The following FSD1L variants were observed in gnomAD, a reference collection of about 807,000 sequenced individuals.
FSD1L encodes the protein fibronectin type III and SPRY domain containing 1 like.
Under a neutral mutation model 71.6 loss-of-function variants are expected in FSD1L, and 45 were observed. The ratio of observed to expected loss-of-function variants is 0.63; its 90% CI spans 0.49 to 0.81. The LOEUF is 0.81. FSD1L is among the 30% of genes least tolerant of loss of function. The probability of loss-of-function intolerance (pLI) is 0.00; values close to 1 mark genes in which losing one functional copy is unlikely to be tolerated. For synonymous variants in FSD1L, 197 were observed against 207.2 expected, an observed-to-expected ratio of 0.95 and a Z score of 0.42; for missense variants, 561 against 618.1, an observed-to-expected ratio of 0.91 and a Z score of 0.98.
intron 7 of FSD1L, among the ~76,000 whole-genome samples, chr9:105,501,421 G>A (rs1385144202): frequency 2.6e-5 from 4 of 151,532 alleles, no homozygotes; most frequent in African/African-American, 4.9e-5. Flanking sequence ...AGTTCCCATC[G>A]TTTACAGTTT....
chr9:105,518,019 T>A (rs957859679), intron 10 of FSD1L, among the ~76,000 whole-genome samples: 4 of 152,160 alleles, frequency 2.6e-5, no homozygotes, highest in African/African-American at 9.7e-5. Context: ...CCCTAATCTT[T>A]GATAAAACAG....
At position 105,466,692 on chromosome 9, in the gene FSD1L, C is replaced by CA. The variant is rs11300881; in HGVS notation, c.208-1486dup. 4.6e-3 allele frequency among the ~76,000 whole-genome samples: 664 copies of CA among 143,538 alleles called. 7 individuals carry two copies. Among genetic ancestry groups the CA allele is most frequent in the African/African-American group, 0.015 (590 of 39,666 alleles). The allele number at this position is 143,538 out of a possible 152,430, so 94.2% of individuals were successfully genotyped here. ...TGGGTGATAGAGTGAGACTCTGTCT[C>CA]AAAAAAAAAAAAAAATAATTATTTT... On this transcript the variant is annotated intron_variant, in intron 3 of 13. Transcript: ENST00000481272.
At chr9:105,512,002 G>A (rs940566278) in intron 9 of FSD1L, among the ~76,000 whole-genome samples, 6 of 152,034 alleles carry the variant, frequency 3.9e-5, no homozygotes, top group East Asian at 1.9e-4. Flanking sequence ...TAGAGATTCC[G>A]AGAGTTATAT....
At chr9:105,546,236 T>TG in intron 13 of FSD1L, 122 bp from the exon 14 acceptor site, 3 of 829,014 alleles carry the variant, frequency 3.6e-6, no homozygotes, top group Non-Finnish European at 5.3e-6. Context: ...ATATGACAGT[T>TG]AATGTGTTTG....
intron 6 of FSD1L, among the ~76,000 whole-genome samples, chr9:105,482,963 C>T (rs892708321): frequency 1.3e-5 from 2 of 152,106 alleles, no homozygotes; most frequent in African/African-American, 2.4e-5. Context: ...TTAGTAAGTA[C>T]GTATCTGACT....
intron 10 of FSD1L, among the ~76,000 whole-genome samples, chr9:105,515,992 C>T (rs551234390): frequency 4.4e-4 from 67 of 152,214 alleles, no homozygotes; most frequent in African/African-American, 1.1e-3. Flanking sequence ...TGACCTGGGA[C>T]GCTATAGCTT....
chr9:105,521,983 A>C, intron 10 of FSD1L: 1 of 1,613,190 alleles, frequency 6.2e-7, no homozygotes, highest in Non-Finnish European at 8.5e-7. Context: ...ATGGACAAAA[A>C]GACTTGGGAA....
intron 1 of FSD1L, among the ~76,000 whole-genome samples, chr9:105,454,300 T>C (rs1830230626): frequency 6.6e-6 from 1 of 152,190 alleles, no homozygotes; most frequent in African/African-American, 2.4e-5. Flanking sequence ...TACAATACTT[T>C]TAATGATTCA....
At chr9:105,484,191 A>G (rs953361602) in intron 6 of FSD1L, among the ~76,000 whole-genome samples, 190 bp from the exon 7 acceptor site, 4 of 152,128 alleles carry the variant, frequency 2.6e-5, no homozygotes, top group African/African-American at 9.7e-5. Flanking sequence ...AAATGTCTTT[A>G]AAAAGACATT....
At chr9:105,530,076 C>T (rs532835897) in intron 10 of FSD1L, among the ~76,000 whole-genome samples, 1 of 152,094 alleles carries the variant, frequency 6.6e-6, no homozygotes, top group Non-Finnish European at 1.5e-5. Context: ...AAATCAAGAA[C>T]CAGAATGTCA....
Position 105,547,948 on chromosome 9 carries a change from A to G in FSD1L, c.*1465A>G, listed in dbSNP as rs1212231211. ...ACTGCCTACATTTGCGTTGCTTTCTACATAGAGACTTGTATAATAGTATTA... is the reference window on the plus strand; with the variant it reads ...ACTGCCTACATTTGCGTTGCTTTCTGCATAGAGACTTGTATAATAGTATTA... On this transcript the variant is annotated 3_prime_UTR_variant, in exon 14 of 14. Coordinates refer to ENST00000481272, the MANE Select transcript of FSD1L (RefSeq NM_001145313.3). The G allele has an allele frequency of 6.6e-6, 1 of 152,044 alleles. No individual in the cohort carries two copies. Among genetic ancestry groups the G allele is most frequent in the African/African-American group, 2.4e-5 (1 of 41,434 alleles). The allele number at this position is 152,044 out of a possible 1,614,324, so 9.4% of individuals were successfully genotyped here. A position where few individuals can be genotyped will look rare whatever the true frequency, so the allele number is the denominator to read the frequency against.
In FSD1L at chr9:105,543,943, C is replaced by T. The variant is rs566500167; in HGVS notation, c.1468-2415C>T. Among the ~76,000 whole-genome samples, 1,401 of 152,230 alleles carry T rather than the reference C, an allele frequency of 9.2e-3. 21 individuals carry two copies. Among genetic ancestry groups the T allele is most frequent in the African/African-American group, 0.032 (1,341 of 41,532 alleles). ...CATGACTTATAATCCTTTGGGTATA[C>T]ACCCAGTAATGGGATGGCTGGGTCA... On this transcript the variant is annotated intron_variant, in intron 13 of 13. Transcript: ENST00000481272.
At chr9:105,540,986 A>G (rs1336547801) in intron 13 of FSD1L, among the ~76,000 whole-genome samples, 1 of 152,158 alleles carries the variant, frequency 6.6e-6, no homozygotes, top group African/African-American at 2.4e-5. Flanking sequence ...GGCTACCTCT[A>G]TAAGTCAAGA....
At chr9:105,467,290 A>G (rs1407652928) in intron 3 of FSD1L, among the ~76,000 whole-genome samples, 1 of 152,188 alleles carries the variant, frequency 6.6e-6, no homozygotes, top group Admixed American at 6.5e-5. Flanking sequence ...AGTAGATTGT[A>G]TATATTAGTT....
At chr9:105,527,952 G>A (rs1835629064) in intron 10 of FSD1L, among the ~76,000 whole-genome samples, 1 of 152,098 alleles carries the variant, frequency 6.6e-6, no homozygotes, top group Non-Finnish European at 1.5e-5. Context: ...CAAAGTCTCA[G>A]GATACAAAAT....
chr9:105,472,946 A>G (rs925147208), intron 5 of FSD1L: 10 of 152,226 alleles, frequency 6.6e-5, no homozygotes, highest in African/African-American at 2.2e-4. Flanking sequence ...ACTAATGCAC[A>G]TAGGTGGACT....
rs1048679198 is a variant in FSD1L, at chr9:105,448,088, G to A, written c.-133G>A. 50 of 1,022,192 alleles carry A rather than the reference G, an allele frequency of 4.9e-5. No homozygotes were observed. The highest frequency in any genetic ancestry group is 4.4e-6 in the Non-Finnish European group (3 of 680,588). 63.3% of individuals were successfully genotyped at this position (1,022,192 alleles called of 1,614,324 possible). A position where few individuals can be genotyped will look rare whatever the true frequency, so the allele number is the denominator to read the frequency against. On this transcript the variant is annotated 5_prime_UTR_variant, in exon 1 of 14. Transcript: ENST00000481272. Reference sequence around the variant, plus strand: ...CGGCGCGCGCGGTCTGGGCGCGGACGGGTGGGGCCGGGCGGTGCCGGTGCG... The same window carrying A: ...CGGCGCGCGCGGTCTGGGCGCGGACAGGTGGGGCCGGGCGGTGCCGGTGCG...
chr9:105,514,866 G>A (rs1472789466), intron 10 of FSD1L, among the ~76,000 whole-genome samples: 1 of 152,092 alleles, frequency 6.6e-6, no homozygotes, highest in Non-Finnish European at 1.5e-5. Context: ...TCAAGAAGGT[G>A]GGGAGTGAGG....
intron 13 of FSD1L, among the ~76,000 whole-genome samples, chr9:105,544,019 C>G (rs1836810163): frequency 6.6e-6 from 1 of 152,240 alleles, no homozygotes; most frequent in Admixed American, 6.5e-5. Flanking sequence ...CTGTCTTCCA[C>G]AATGGTTGAA....
Sources: allele counts gnomAD v4.1 joint callset (sites outside exome capture counted in the v4.1 genomes callset), GRCh38; gene constraint gnomAD v4.1.1; transcripts MANE v1.5; gene names NCBI Gene and HGNC (gene_info 2026-07-23, HGNC 2026-07-21).